The following CUL7 variants were observed in gnomAD, a reference collection of about 807,000 sequenced individuals.
The protein encoded by CUL7 is cullin 7.
In CUL7, 96 loss-of-function variants were observed where a neutral mutation model predicts 177.7. That is an observed-to-expected ratio of 0.54 (90% CI 0.46 to 0.64). The LOEUF (loss-of-function observed/expected upper bound fraction) is 0.64. Among genes scored for constraint, CUL7 ranks in the 30% least tolerant of loss-of-function variants. The pLI, the probability that CUL7 is intolerant of heterozygous loss-of-function variation, is 0.00. For synonymous variants in CUL7, 824 were observed against 890.2 expected (o/e 0.93, Z 1.32); for missense variants, 1,893 against 2,187.9 (o/e 0.87, Z 2.69).
intron 22 of CUL7, 130 bp from the exon 23 acceptor site, chr6:43,039,117 G>T: frequency 4.4e-6 from 3 of 683,166 alleles, no homozygotes; most frequent in Non-Finnish European, 7.9e-6. Context: ...ATGGACACTG[G>T]GGCTTCTGGT....
rs745751048 is a variant in CUL7 at position 43,042,935 on chromosome 6, C to T, written c.3512G>A (p.Arg1171His). The T allele has an allele frequency of 8.1e-6, 13 of 1,614,126 alleles. No homozygotes were observed. Among genetic ancestry groups the T allele is most frequent in the South Asian group, 2.2e-5 (2 of 91,076 alleles). The change falls in exon 19 of 26, where the codon CGC becomes CAC. Residue 1171 changes from arginine (R) to histidine (H), a missense_variant. Arg to His is a conservative substitution (Grantham distance 29, BLOSUM62 0). Coordinates refer to ENST00000265348, the MANE Select transcript of CUL7 (RefSeq NM_014780.5). ...SSWRDDDFVP[R>H]YCEHFNILQN... is the part of the protein sequence containing the mutation. ...CAGAATATTAAAGTGCTCACAGTAG[C>T]GTGGCACAAAGTCATCATCCCGCCA... is the stretch of plus-strand genomic sequence containing the variant.
chr6:43,043,366 T>A lies in CUL7; in HGVS notation c.3355+82A>T. ...CCCATAGGGAGGGGAAGGATGGGGA[T>A]GGACAGAAGCCTGTGGTGTACACAT... On this transcript the variant is annotated intron_variant, in intron 17 of 25. Coordinates refer to ENST00000265348, the MANE Select transcript of CUL7 (RefSeq NM_014780.5). This position sits in a 1 kb window ranked among gnomAD's most constrained non-coding sequence, Gnocchi z 4.2. The A allele has an allele frequency of 2.8e-6, 4 of 1,419,822 alleles. No homozygotes were observed. Among genetic ancestry groups the A allele is most frequent in the Non-Finnish European group, 4.0e-6 (4 of 1,007,576 alleles). 88.0% of individuals were successfully genotyped at this position (1,419,822 alleles called of 1,614,324 possible). A position where few individuals can be genotyped will look rare whatever the true frequency, so the allele number is the denominator to read the frequency against.
Position 43,053,820 on chromosome 6 carries a change from C to A in CUL7, c.-207G>T. 1 of 1,533,020 alleles carries A rather than the reference C, an allele frequency of 6.5e-7. No homozygotes were observed. Among genetic ancestry groups the A allele is most frequent in the Non-Finnish European group, 8.7e-7 (1 of 1,146,322 alleles). 95.0% of individuals were successfully genotyped at this position (1,533,020 alleles called of 1,614,324 possible). ...CCACTGGGGCAGGGTGGGGCCCGGT[C>A]CCTGCCAGCGGCTCCGCCAGCCAAA... On this transcript the variant is annotated 5_prime_UTR_variant, in exon 1 of 26. Coordinates refer to ENST00000265348, the MANE Select transcript of CUL7 (RefSeq NM_014780.5). This position sits in a 1 kb window ranked among gnomAD's most constrained non-coding sequence, Gnocchi z 4.1.
In CUL7 at chr6:43,047,059, T is replaced by C. The variant is rs1021243760; in HGVS notation, c.2218A>G (p.Arg740Gly). The C allele has an allele frequency of 8.1e-6, 13 of 1,613,638 alleles. No homozygotes were observed. The highest frequency in any genetic ancestry group is 1.1e-5 in the Non-Finnish European group (13 of 1,179,572). ...TGATTCAGCACCACGGCATAGTCCC[T>C]GCTCACTGAGGTCAGGCGGTGCAGG... ...FFLHRLTSVS[R>G]DYAVVLNQLG... The change falls in exon 10 of 26, where the codon AGG becomes GGG. Residue 740 changes from arginine to glycine, a missense_variant. Arg to Gly is a moderately radical substitution (Grantham distance 125). Around this residue, in one of 5 missense-constraint regions of CUL7, gnomAD observed 973 missense variants for 1,140.9 expected, o/e 0.85. Coordinates refer to ENST00000265348, the MANE Select transcript of CUL7 (RefSeq NM_014780.5).
At position 43,041,186 on chromosome 6, in the gene CUL7, G is replaced by A. The variant is rs1763388594; in HGVS notation, c.3646-111C>T. The A allele has an allele frequency of 3.9e-5, 40 of 1,015,514 alleles. No individual in the cohort carries two copies. The South Asian group carries it at 5.3e-4, about 13-fold the overall frequency. 62.9% of individuals were successfully genotyped at this position (1,015,514 alleles called of 1,614,324 possible). A position where few individuals can be genotyped will look rare whatever the true frequency, so the allele number is the denominator to read the frequency against. ...ATATGAATGCTGGCAGCTTTCTAAG[G>A]TGGTTGGTGCTTTCATACAACTATT... On this transcript the variant is annotated intron_variant, in intron 19 of 25. Coordinates refer to ENST00000265348, the MANE Select transcript of CUL7 (RefSeq NM_014780.5).
Position 43,037,909 on chromosome 6 carries a change from G to C in CUL7, c.4876C>G (p.Leu1626Val), listed in dbSNP as rs750060978. 3.2e-5 allele frequency: 52 copies of C among 1,611,566 alleles called. No homozygotes were observed. The East Asian group carries it at 1.1e-3, about 35-fold the overall frequency. The change falls in exon 26 of 26, where the codon CTA becomes GTA. Residue 1626 changes from leucine (L) to valine (V), a missense_variant. By Grantham distance (32) the Leu-to-Val change is conservative. Coordinates refer to ENST00000265348, the MANE Select transcript of CUL7 (RefSeq NM_014780.5). ...AGCGTGCCCTTGCCCAGGAGGTGTAGGATGCAGGAGAGGACGTCAGTGCTG... is the reference window on the plus strand; with the variant it reads ...AGCGTGCCCTTGCCCAGGAGGTGTACGATGCAGGAGAGGACGTCAGTGCTG... Reference protein sequence around the residue: ...CSSTDVLSCILHLLGKGTLRR... With the variant: ...CSSTDVLSCIVHLLGKGTLRR...
At position 43,051,802 on chromosome 6, in the gene CUL7, T is replaced by C; in HGVS notation, c.581-39A>G. ...CCCAGTTGGTAACTTCTCCCTAATC[T>C]CACCCTTCCTAGAAATCTTAGACCC... On this transcript the variant is annotated intron_variant, in intron 2 of 25. Transcript: ENST00000265348. The surrounding 1 kb of genome is among the most constrained non-coding windows in gnomAD (Gnocchi z 5.0). 1 of 1,610,330 alleles carries C rather than the reference T, an allele frequency of 6.2e-7. No homozygotes were observed. Among genetic ancestry groups the C allele is most frequent in the Non-Finnish European group, 8.5e-7 (1 of 1,176,846 alleles).
In CUL7 at chr6:43,050,265, C is replaced by T. The variant is rs749226321; in HGVS notation, c.1367G>A (p.Gly456Asp). The change falls in exon 5 of 26, where the codon GGT (glycine) becomes GAT (aspartate). Residue 456 changes from glycine to aspartate, a missense_variant. Coordinates refer to ENST00000265348, the MANE Select transcript of CUL7 (RefSeq NM_014780.5). This position sits in a 1 kb window ranked among gnomAD's most constrained non-coding sequence, Gnocchi z 4.1. Reference protein sequence around the residue: ...YQGAVASRVLGRALPAWRWRP... With the variant: ...YQGAVASRVLDRALPAWRWRP... ...TGCTTCCTCCCTGAGCTCACCTCTA[C>T]CCAGGACTCTACTGGCCACTGCCCC... 1 of 1,614,216 alleles carries T rather than the reference C, an allele frequency of 6.2e-7. No individual in the cohort carries two copies. The highest frequency in any genetic ancestry group is 1.1e-5 in the South Asian group (1 of 91,086).
At chr6:43,046,760 C>T in intron 10 of CUL7, 120 bp downstream of exon 10, 1 of 1,289,578 alleles carries the variant, frequency 7.8e-7, no homozygotes, top group Non-Finnish European at 1.1e-6. Context: ...GGAACAAATG[C>T]CCCAGGGTCA....
At chr6:43,047,820 G>C (rs1764042757) in intron 9 of CUL7, 1 of 341,720 alleles carries the variant, frequency 2.9e-6, no homozygotes, top group East Asian at 5.4e-5. Context: ...ATTTGGGTTT[G>C]CTTATATTTG....
chr6:43,050,306 C>T lies in CUL7; in HGVS notation c.1326G>A (p.Glu442=). The change falls in exon 5 of 26, where the codon GAG becomes GAA. Residue 442 remains glutamate (E), a synonymous_variant. Coordinates refer to ENST00000265348, the MANE Select transcript of CUL7 (RefSeq NM_014780.5). This position sits in a 1 kb window ranked among gnomAD's most constrained non-coding sequence, Gnocchi z 4.1. ...GFEEDIEDMV[E]ADEYQGAVAS... is the part of the protein sequence containing the mutation. Reference sequence around the variant, plus strand: ...CCACTGCCCCTTGGTACTCATCAGCCTCAACCATGTCCTCAATGTCTTCCT... The same window carrying T: ...CCACTGCCCCTTGGTACTCATCAGCTTCAACCATGTCCTCAATGTCTTCCT... 6.2e-7 allele frequency: 1 copy of T among 1,614,172 alleles called. No homozygotes were observed. Among genetic ancestry groups the T allele is most frequent in the Non-Finnish European group, 8.5e-7 (1 of 1,180,040 alleles).
At position 43,046,972 on chromosome 6, in the gene CUL7, C is replaced by T. The variant is rs773551553; in HGVS notation, c.2305G>A (p.Ala769Thr). 2.5e-6 allele frequency: 4 copies of T among 1,613,158 alleles called. No homozygotes were observed. The highest frequency in any genetic ancestry group is 3.4e-6 in the Non-Finnish European group (4 of 1,179,130). ...AACACCATGTCCCGCAGCTCCTGAG[C>T]CAGCTCCAGCTTTCCCAGGTGCTTT... Reference protein sequence around the residue: ...LEKHLGKLELAQELRDMVFKC... With the variant: ...LEKHLGKLELTQELRDMVFKC... Residue 769 changes from alanine (A) to threonine (T), a missense_variant, in exon 10 of 26, where the codon GCT (alanine) becomes ACT (threonine). By Grantham distance (58) the Ala-to-Thr change is moderately conservative. Coordinates refer to ENST00000265348, the MANE Select transcript of CUL7 (RefSeq NM_014780.5).
intron 9 of CUL7, 41 bp from the exon 10 acceptor site, chr6:43,047,148 C>A: frequency 8.2e-7 from 1 of 1,222,608 alleles, no homozygotes; most frequent in Non-Finnish European, 1.2e-6. Flanking sequence ...GAAGACAGGG[C>A]GAGGGCCACA....
Position 43,052,363 on chromosome 6 carries a change from G to A in CUL7, c.426C>T (p.His142=), listed in dbSNP as rs138730481. Residue 142 remains histidine, a synonymous_variant, in exon 2 of 26, where the codon CAC becomes CAT. Coordinates refer to ENST00000265348, the MANE Select transcript of CUL7 (RefSeq NM_014780.5). This position sits in a 1 kb window ranked among gnomAD's most constrained non-coding sequence, Gnocchi z 4.5. ...IPPAPLLHTV[H]VLSAYASIEP... is the part of the protein sequence containing the mutation. Reference sequence around the variant, plus strand: ...CAATGCTGGCATAGGCGCTGAGCACGTGGACAGTGTGAAGTAGAGGAGCAG... The same window carrying A: ...CAATGCTGGCATAGGCGCTGAGCACATGGACAGTGTGAAGTAGAGGAGCAG... The A allele has an allele frequency of 8.3e-5, 134 of 1,614,158 alleles. No individual in the cohort carries two copies. The highest frequency in any genetic ancestry group is 1.1e-4 in the Non-Finnish European group (130 of 1,180,058).
At position 43,040,291 on chromosome 6, in the gene CUL7, G is replaced by A; in HGVS notation, c.4159C>T (p.Pro1387Ser). Residue 1387 changes from proline to serine, a missense_variant, in exon 22 of 26, where the codon CCA (proline) becomes TCA (serine). Pro to Ser is a moderately conservative substitution (Grantham distance 74). Coordinates refer to ENST00000265348, the MANE Select transcript of CUL7 (RefSeq NM_014780.5). The surrounding 1 kb of genome is among the most constrained non-coding windows in gnomAD (Gnocchi z 4.2). ...GACAGGACAAGCACAGACACTTCTG[G>A]CATTGCCCCTTCATAGTAGAGGTCC... The part of the protein sequence containing the change: ...NEDLYYEGAM[P>S]EVSVLVLSRH... 1 of 1,614,124 alleles carries A rather than the reference G, an allele frequency of 6.2e-7. No individual in the cohort carries two copies. Among genetic ancestry groups the A allele is most frequent in the Non-Finnish European group, 8.5e-7 (1 of 1,180,026 alleles).
chr6:43,049,071 C>G (rs2150330773), intron 7 of CUL7, among the ~76,000 whole-genome samples: 1 of 152,290 alleles, frequency 6.6e-6, no homozygotes, highest in South Asian at 2.1e-4. Flanking sequence ...CATGCCCGGC[C>G]TTTATATTCT....
chr6:43,039,976 G>A (rs1342285536), intron 22 of CUL7, among the ~76,000 whole-genome samples, 180 bp downstream of exon 22: 4 of 152,116 alleles, frequency 2.6e-5, no homozygotes, highest in Non-Finnish European at 4.4e-5. Context: ...CTGACCTCAA[G>A]TGATCTGCCT....
chr6:43,045,918 G>T lies in CUL7; in HGVS notation c.2766+68C>A. The T allele has an allele frequency of 2.3e-6, 3 of 1,332,902 alleles. No homozygotes were observed. The highest frequency in any genetic ancestry group is 3.2e-6 in the Non-Finnish European group (3 of 931,142). 82.6% of individuals were successfully genotyped at this position (1,332,902 alleles called of 1,614,324 possible). A position where few individuals can be genotyped will look rare whatever the true frequency, so the allele number is the denominator to read the frequency against. On this transcript the variant is annotated intron_variant, in intron 13 of 25. Transcript: ENST00000265348. This position sits in a 1 kb window ranked among gnomAD's most constrained non-coding sequence, Gnocchi z 4.8. ...GGGAGTTAGAAAAAAGTAGGATAGG[G>T]CCAGATAGAAGCAGGAGGGCAGATC...
At position 43,037,887 on chromosome 6, in the gene CUL7, G is replaced by A. The variant is rs139249497; in HGVS notation, c.4898C>T (p.Thr1633Met). ...SCILHLLGKGTLRRHDDRPQV... is the reference protein window; with the variant it reads ...SCILHLLGKGMLRRHDDRPQV... ...GGGCCGGTCGTCATGGCGTCTCAGC[G>A]TGCCCTTGCCCAGGAGGTGTAGGAT... Residue 1633 changes from threonine to methionine, a missense_variant, in exon 26 of 26, where the codon ACG (threonine) becomes ATG (methionine). Around this residue, in one of 5 missense-constraint regions of CUL7, gnomAD observed 248 missense variants for 262.5 expected, o/e 0.94. Transcript: ENST00000265348. 6.4e-4 allele frequency: 1,034 copies of A among 1,613,630 alleles called. 9 individuals are homozygous for A. In the East Asian group the frequency reaches 0.02, roughly 31 times the overall value.
Sources: gnomAD v4.1 joint callset for allele counts (sites outside exome capture counted in the v4.1 genomes callset) on GRCh38, gnomAD v4.1.1 for gene constraint, gnomAD v4.1.1 regional missense constraint, Gnocchi (gnomAD v3.1) non-coding constraint, MANE v1.5 for transcripts, NCBI Gene and HGNC (gene_info 2026-07-23, HGNC 2026-07-21) for gene names.